Variants in RSU1 observed in about 807,000 individuals in gnomAD.
RSU1 encodes rsu-1.
A neutral mutation model predicts 31.1 loss-of-function variants in RSU1; 26 were observed. That is an observed-to-expected ratio of 0.84 (90% CI 0.61 to 1.16). The LOEUF is 1.16. RSU1 is among the 50% of genes most tolerant of loss of function. RSU1 has a pLI of 0.00. For missense variants in RSU1, 320 were observed against 339.1 expected, an observed-to-expected ratio of 0.94 and a Z score of 0.44; for synonymous variants, 164 against 136.3, an observed-to-expected ratio of 1.20 and a Z score of -1.41.
intron 7 of RSU1, among the ~76,000 whole-genome samples, chr10:16,712,765 A>C (rs981389417): frequency 6.6e-6 from 1 of 152,178 alleles, no homozygotes; most frequent in African/African-American, 2.4e-5. Context: ...AAATCACTAG[A>C]GTATTTTATG....
intron 8 of RSU1, among the ~76,000 whole-genome samples, chr10:16,621,210 G>A (rs1458378844): frequency 6.6e-6 from 1 of 152,154 alleles, no homozygotes; most frequent in Non-Finnish European, 1.5e-5. Flanking sequence ...GTGTGTTATT[G>A]GCATCTAGCA....
intron 7 of RSU1, among the ~76,000 whole-genome samples, chr10:16,704,894 T>G (rs1299116928): frequency 6.6e-6 from 1 of 152,236 alleles, no homozygotes; most frequent in Non-Finnish European, 1.5e-5. Context: ...ATCATTTTCA[T>G]GATTTTTAAG....
chr10:16,691,754 A>ATTTT (rs1835558561), intron 8 of RSU1, among the ~76,000 whole-genome samples: 1 of 111,958 alleles, frequency 8.9e-6, no homozygotes, highest in Admixed American at 1.1e-4. Context: ...TTTTTGTTTG[A>ATTTT]AACACAGTTT....
chr10:16,598,862 G>A (rs1428891514), intron 8 of RSU1, among the ~76,000 whole-genome samples: 2 of 152,240 alleles, frequency 1.3e-5, no homozygotes, highest in Non-Finnish European at 2.9e-5. Flanking sequence ...GGGCCTGACA[G>A]GGTGGCCTGT....
At chr10:16,628,470 G>A (rs1834195517) in intron 8 of RSU1, among the ~76,000 whole-genome samples, 1 of 149,276 alleles carries the variant, frequency 6.7e-6, no homozygotes, top group Admixed American at 6.6e-5. Context: ...AAACATCACT[G>A]ACCACATCAT....
intron 7 of RSU1, among the ~76,000 whole-genome samples, chr10:16,700,931 A>C (rs1835779106): frequency 6.6e-6 from 1 of 152,220 alleles, no homozygotes. Context: ...GCTATCAACC[A>C]ATTTTTGAAA....
chr10:16,755,849 T>C (rs993556709), intron 4 of RSU1, among the ~76,000 whole-genome samples: 5 of 152,212 alleles, frequency 3.3e-5, no homozygotes, highest in Non-Finnish European at 5.9e-5. Context: ...TGGTATGTTG[T>C]CCTATTTAGG....
At chr10:16,641,558 T>C (rs1051022544) in intron 8 of RSU1, among the ~76,000 whole-genome samples, 2 of 152,022 alleles carry the variant, frequency 1.3e-5, no homozygotes, top group African/African-American at 4.8e-5. Context: ...ATGGAATTGG[T>C]TGTTGTAAGT....
intron 3 of RSU1, among the ~76,000 whole-genome samples, chr10:16,779,139 G>C (rs1156887369): frequency 6.6e-6 from 1 of 152,202 alleles, no homozygotes; most frequent in Non-Finnish European, 1.5e-5. Context: ...GCTACAGACA[G>C]ATTAAGTCCC....
intron 7 of RSU1, among the ~76,000 whole-genome samples, chr10:16,732,282 T>C (rs1836529748): frequency 6.6e-6 from 1 of 152,236 alleles, no homozygotes; most frequent in African/African-American, 2.4e-5. Flanking sequence ...AAATCTCACC[T>C]CTACTTCCTG....
chr10:16,719,038 C>G (rs1191343366), intron 7 of RSU1, among the ~76,000 whole-genome samples: 1 of 151,656 alleles, frequency 6.6e-6, no homozygotes, highest in Non-Finnish European at 1.5e-5. Flanking sequence ...CCTGTAATCC[C>G]AACACTTTGA....
At chr10:16,599,825 C>T (rs891046536) in intron 8 of RSU1, among the ~76,000 whole-genome samples, 7 of 152,174 alleles carry the variant, frequency 4.6e-5, no homozygotes, top group African/African-American at 1.2e-4. Context: ...CCAGCCTGTG[C>T]CTTTGGTGTA....
chr10:16,728,247 G>A (rs190874317), intron 7 of RSU1, among the ~76,000 whole-genome samples: 2 of 152,174 alleles, frequency 1.3e-5, no homozygotes, highest in African/African-American at 2.4e-5. Flanking sequence ...GTCAAAATAC[G>A]TCATAAAAGA....
At chr10:16,656,151 T>C (rs1834773098) in intron 8 of RSU1, among the ~76,000 whole-genome samples, 2 of 152,088 alleles carry the variant, frequency 1.3e-5, no homozygotes, top group Admixed American at 6.5e-5. Flanking sequence ...CTGGAAAGCA[T>C]AAAGAGAGAA....
intron 5 of RSU1, among the ~76,000 whole-genome samples, chr10:16,754,129 G>A (rs912324996): frequency 5.3e-5 from 8 of 152,128 alleles, no homozygotes; most frequent in African/African-American, 1.4e-4. Flanking sequence ...GGTAATGTAC[G>A]TAAGGTAAAA....
At chr10:16,705,470 TTTTG>T (rs1835878982) in intron 7 of RSU1, among the ~76,000 whole-genome samples, 1 of 152,084 alleles carries the variant, frequency 6.6e-6, no homozygotes, top group South Asian at 2.1e-4. Context: ...GTTCTGCTAT[TTTTG>T]TTTTTTTTCC....
chr10:16,746,100 G>A (rs545646239), intron 7 of RSU1, among the ~76,000 whole-genome samples: 1 of 152,246 alleles, frequency 6.6e-6, no homozygotes, highest in Non-Finnish European at 1.5e-5. Flanking sequence ...GTTTATTCTG[G>A]AGTATATAAT....
intron 8 of RSU1, among the ~76,000 whole-genome samples, chr10:16,595,014 C>T (rs549291553): frequency 1.8e-4 from 28 of 152,160 alleles, no homozygotes; most frequent in African/African-American, 6.7e-4. Context: ...GAACTCTTGA[C>T]TTCCAGTGAT....
chr10:16,805,832 C>T (rs1278549571), intron 2 of RSU1, among the ~76,000 whole-genome samples: 1 of 151,912 alleles, frequency 6.6e-6, no homozygotes, highest in African/African-American at 2.4e-5. Flanking sequence ...CTATCATCAC[C>T]CATATCTGTA....
Sources: allele counts gnomAD v4.1 joint callset (sites outside exome capture counted in the v4.1 genomes callset), GRCh38; gene constraint gnomAD v4.1.1; transcripts MANE v1.5; gene names NCBI Gene and HGNC (gene_info 2026-07-23, HGNC 2026-07-21).